Variants in PDE12 observed in about 807,000 individuals in gnomAD.
The protein encoded by PDE12 is phosphodiesterase 12.
In PDE12, 26 loss-of-function variants were observed where a neutral mutation model predicts 45.4. That is an observed-to-expected ratio of 0.57 (90% CI 0.42 to 0.79). PDE12 has a LOEUF of 0.79. Ranked by LOEUF, PDE12 falls within the 30% of genes least tolerant of loss-of-function variation. PDE12 has a pLI of 0.00. For missense variants in PDE12, 668 were observed against 790.0 expected, an observed-to-expected ratio of 0.85 and a Z score of 1.85; for synonymous variants, 283 against 323.9, an observed-to-expected ratio of 0.87 and a Z score of 1.36.
chr3:57,623,665 C>G, the PDE12 span, among the ~76,000 whole-genome samples: 68 of 152,234 alleles, frequency 4.5e-4, no homozygotes, highest in African/African-American at 1.5e-3. Context: ...GGTGACAGAG[C>G]AAGACTCCCT....
the PDE12 span, among the ~76,000 whole-genome samples, chr3:57,595,304 ACATAAC>A: frequency 6.6e-6 from 1 of 152,244 alleles, no homozygotes; most frequent in South Asian, 2.1e-4. Flanking sequence ...GTGTTCTGGA[ACATAAC>A]CATATATTGT....
At chr3:57,584,866 G>A in the PDE12 span, among the ~76,000 whole-genome samples, 1 of 151,842 alleles carries the variant, frequency 6.6e-6, no homozygotes, top group East Asian at 1.9e-4. Flanking sequence ...GGGGGGTGGA[G>A]GGGCAGGGGA....
the PDE12 span, among the ~76,000 whole-genome samples, chr3:57,607,037 C>CT: frequency 2.0e-5 from 3 of 152,286 alleles, no homozygotes; most frequent in South Asian, 6.3e-4. Context: ...GGGTACCCCT[C>CT]TGAGACGAAG....
the PDE12 span, among the ~76,000 whole-genome samples, chr3:57,631,629 G>A: frequency 8.6e-5 from 13 of 151,986 alleles, no homozygotes; most frequent in South Asian, 2.1e-4. Context: ...TTAGGAAACT[G>A]AGGCTTCTTC....
At chr3:57,586,220 G>A in the PDE12 span, among the ~76,000 whole-genome samples, 5 of 152,202 alleles carry the variant, frequency 3.3e-5, no homozygotes, top group South Asian at 4.1e-4. Flanking sequence ...ATATCTGGCC[G>A]CCTGGGTTTA....
the PDE12 span, among the ~76,000 whole-genome samples, chr3:57,593,564 A>T: frequency 6.6e-6 from 1 of 152,224 alleles, no homozygotes; most frequent in Admixed American, 6.5e-5. Context: ...CAAACTTTTT[A>T]AAAGTAACAC....
chr3:57,601,383 A>T, the PDE12 span, among the ~76,000 whole-genome samples: 104 of 152,284 alleles, frequency 6.8e-4, no homozygotes, highest in Middle Eastern at 0.027. Flanking sequence ...TGCTGGGATT[A>T]CAGGTGTGAG....
the PDE12 span, among the ~76,000 whole-genome samples, chr3:57,639,505 G>T: frequency 2.0e-5 from 3 of 152,044 alleles, no homozygotes; most frequent in Non-Finnish European, 4.4e-5. Context: ...AAATTAGTAG[G>T]CCCAAACCAT....
At chr3:57,613,908 A>G in the PDE12 span, among the ~76,000 whole-genome samples, 1 of 146,574 alleles carries the variant, frequency 6.8e-6, no homozygotes, top group Non-Finnish European at 1.5e-5. Flanking sequence ...CTCAAAAAAA[A>G]AAAAAAAAAA....
the PDE12 span, among the ~76,000 whole-genome samples, chr3:57,581,564 G>C: frequency 6.6e-6 from 1 of 152,220 alleles, no homozygotes; most frequent in African/African-American, 2.4e-5. Context: ...ACTTTGGGAA[G>C]CCCAGGCAGG....
the PDE12 span, among the ~76,000 whole-genome samples, chr3:57,655,810 G>GATT: frequency 3.3e-5 from 5 of 152,114 alleles, no homozygotes; most frequent in Non-Finnish European, 7.4e-5. Context: ...GGATATGCAA[G>GATT]ATTACCACAA....
the PDE12 span, chr3:57,630,362 C>A: frequency 7.0e-7 from 1 of 1,427,790 alleles, no homozygotes; most frequent in Non-Finnish European, 9.5e-7. Flanking sequence ...AACTTCTAAG[C>A]ATAATTATCT....
the PDE12 span, among the ~76,000 whole-genome samples, chr3:57,607,713 G>A: frequency 7.2e-5 from 11 of 152,078 alleles, no homozygotes; most frequent in African/African-American, 2.4e-4. Flanking sequence ...ACAAAGCCTC[G>A]AAGAAATATG....
At chr3:57,584,514 A>G in the PDE12 span, 1 of 1,447,890 alleles carries the variant, frequency 6.9e-7, no homozygotes, top group Admixed American at 1.8e-5. Flanking sequence ...GCACACTCCA[A>G]GAAATAATTT....
chr3:57,606,399 G>A, the PDE12 span, among the ~76,000 whole-genome samples: 1 of 152,194 alleles, frequency 6.6e-6, no homozygotes, highest in East Asian at 1.9e-4. Context: ...CTTATAAAAA[G>A]AAGGAAAAAT....
the PDE12 span, among the ~76,000 whole-genome samples, chr3:57,642,138 C>T: frequency 2.6e-4 from 39 of 151,822 alleles, no homozygotes; most frequent in Non-Finnish European, 4.6e-4. Flanking sequence ...CATGGTGAAA[C>T]CCCATCTCTA....
chr3:57,573,738 C>T, the PDE12 span, among the ~76,000 whole-genome samples: 54 of 152,054 alleles, frequency 3.6e-4, no homozygotes, highest in African/African-American at 1.2e-3. Flanking sequence ...TGCACCACCA[C>T]GACCAGCTAA....
chr3:57,561,868 A>G lies in PDE12; in HGVS notation c.*1864A>G. The G allele has an allele frequency of 1.0e-6, 1 of 985,370 alleles. No homozygotes were observed. The highest frequency in any genetic ancestry group is 1.2e-6 in the Non-Finnish European group (1 of 829,846). 61.0% of individuals were successfully genotyped at this position (985,370 alleles called of 1,614,324 possible). ...TGCATTTGACATTGAACCTTGAAGT[A>G]CTTTAAGTACTCCAAGGGGAAAATT... On this transcript the variant is annotated 3_prime_UTR_variant, in exon 3 of 3. Transcript: ENST00000311180.
the PDE12 span, among the ~76,000 whole-genome samples, chr3:57,654,208 G>A: frequency 6.6e-6 from 1 of 151,820 alleles, no homozygotes; most frequent in Non-Finnish European, 1.5e-5. Context: ...ACCTGCCTTG[G>A]CCTCCCAAAG....
Sources: allele counts gnomAD v4.1 joint callset (sites outside exome capture counted in the v4.1 genomes callset), GRCh38; gene constraint gnomAD v4.1.1; transcripts MANE v1.5; gene names NCBI Gene and HGNC (gene_info 2026-07-23, HGNC 2026-07-21).